PSMD14: variants seen among roughly 807,000 people sequenced by gnomAD.
PSMD14 encodes ubiquitin C-terminal hydrolase PSMD14.
A neutral mutation model predicts 41.2 loss-of-function variants in PSMD14; 7 were observed. The ratio of observed to expected loss-of-function variants is 0.17; its 90% CI spans 0.10 to 0.32. PSMD14 has a LOEUF of 0.32. Ranked by LOEUF, PSMD14 falls within the 10% of genes least tolerant of loss-of-function variation. The pLI is 1.00. For synonymous variants in PSMD14, 114 were observed against 122.3 expected (o/e 0.93, Z 0.45); for missense variants, 139 against 375.6 (o/e 0.37, Z 5.21).
intron 3 of PSMD14, among the ~76,000 whole-genome samples, chr2:161,326,767 G>T (rs888078130): frequency 3.9e-5 from 6 of 152,162 alleles, no homozygotes; most frequent in African/African-American, 1.4e-4. Context: ...GGCTGCTCAA[G>T]TCCCTTAGAT....
At chr2:161,406,129 T>C (rs1683944466) in intron 10 of PSMD14, among the ~76,000 whole-genome samples, 1 of 152,144 alleles carries the variant, frequency 6.6e-6, no homozygotes, top group Admixed American at 6.5e-5. Context: ...GATACAGATT[T>C]TCCATATAAG....
At chr2:161,403,573 C>T (rs1438392866) in intron 10 of PSMD14, among the ~76,000 whole-genome samples, 5 of 152,056 alleles carry the variant, frequency 3.3e-5, no homozygotes, top group Admixed American at 2.0e-4. Context: ...ATGTCACTAC[C>T]GTGCTTTTAA....
intron 3 of PSMD14, among the ~76,000 whole-genome samples, chr2:161,349,002 T>C (rs544910077): frequency 1.3e-5 from 2 of 152,296 alleles, no homozygotes; most frequent in Admixed American, 6.5e-5. Context: ...TTCATTGGCC[T>C]CTCACTCCCA....
chr2:161,378,366 G>A (rs537361364), intron 7 of PSMD14, among the ~76,000 whole-genome samples: 1 of 152,070 alleles, frequency 6.6e-6, no homozygotes, highest in African/African-American at 2.4e-5. Context: ...GCAGTGATAA[G>A]TAAAGACTAT....
At chr2:161,334,673 ATT>A (rs1365817676) in intron 3 of PSMD14, among the ~76,000 whole-genome samples, 6 of 152,186 alleles carry the variant, frequency 3.9e-5, no homozygotes, top group South Asian at 2.1e-4. Flanking sequence ...GAAGAATAGA[ATT>A]TTCCCTTCTT....
chr2:161,359,713 T>C (rs991230517), intron 3 of PSMD14, among the ~76,000 whole-genome samples: 2 of 152,168 alleles, frequency 1.3e-5, no homozygotes, highest in African/African-American at 4.8e-5. Flanking sequence ...TTTTCTTTAA[T>C]AGGAAATGGC....
intron 8 of PSMD14, among the ~76,000 whole-genome samples, chr2:161,387,526 T>C (rs1358083563): frequency 6.6e-6 from 1 of 151,996 alleles, no homozygotes; most frequent in Admixed American, 6.6e-5. Context: ...ACAGATTTTT[T>C]TTTACTCTTA....
intron 7 of PSMD14, chr2:161,381,455 T>C (rs568998934): frequency 1.3e-5 from 2 of 151,850 alleles, no homozygotes; most frequent in African/African-American, 4.8e-5. Context: ...GAGAAAAAAA[T>C]TACAGCTACT....
chr2:161,390,498 T>C (rs1683697568), intron 8 of PSMD14, among the ~76,000 whole-genome samples: 2 of 152,168 alleles, frequency 1.3e-5, no homozygotes, highest in Admixed American at 1.3e-4. Flanking sequence ...TAAGATTTTA[T>C]TATGATTGGC....
At chr2:161,393,136 C>T (rs1208390701) in intron 9 of PSMD14, among the ~76,000 whole-genome samples, 1 of 152,112 alleles carries the variant, frequency 6.6e-6, no homozygotes, top group Non-Finnish European at 1.5e-5. Flanking sequence ...CAGCCTTACT[C>T]GAGGGTCGCA....
At chr2:161,326,033 C>T (rs1682690551) in intron 3 of PSMD14, among the ~76,000 whole-genome samples, 1 of 151,898 alleles carries the variant, frequency 6.6e-6, no homozygotes, top group South Asian at 2.1e-4. Flanking sequence ...TGAAATCAAA[C>T]TTTATAATTT....
intron 3 of PSMD14, among the ~76,000 whole-genome samples, chr2:161,326,657 G>T (rs1682703706): frequency 6.6e-6 from 1 of 152,086 alleles, no homozygotes. Flanking sequence ...CAACTCAGAT[G>T]TCCCTCAACA....
intron 2 of PSMD14, among the ~76,000 whole-genome samples, chr2:161,316,895 C>T (rs1346429959): frequency 1.3e-5 from 2 of 152,164 alleles, no homozygotes; most frequent in Non-Finnish European, 2.9e-5. Context: ...TATATATTCA[C>T]AGCATCTGGA....
chr2:161,359,651 T>A (rs925373839), intron 3 of PSMD14, among the ~76,000 whole-genome samples: 1 of 152,208 alleles, frequency 6.6e-6, no homozygotes. Context: ...CTGTTCTCAG[T>A]GAGCATACTA....
At chr2:161,338,173 G>GT (rs113098868) in intron 3 of PSMD14, among the ~76,000 whole-genome samples, 6 of 152,276 alleles carry the variant, frequency 3.9e-5, no homozygotes, top group African/African-American at 1.4e-4. Context: ...CCCTAAGGTA[G>GT]TTTTTTCTTT....
At chr2:161,366,757 A>G (rs909191899) in intron 3 of PSMD14, among the ~76,000 whole-genome samples, 4 of 152,220 alleles carry the variant, frequency 2.6e-5, no homozygotes, top group African/African-American at 9.6e-5. Context: ...TACCTTGTGC[A>G]GGTGAATGTT....
chr2:161,314,275 A>T (rs1195233847), intron 1 of PSMD14, among the ~76,000 whole-genome samples: 1 of 152,226 alleles, frequency 6.6e-6, no homozygotes, highest in Non-Finnish European at 1.5e-5. Flanking sequence ...GGTTATTGCA[A>T]AATTTTGTGT....
At chr2:161,402,420 A>G (rs1683892602) in intron 10 of PSMD14, among the ~76,000 whole-genome samples, 2 of 152,108 alleles carry the variant, frequency 1.3e-5, no homozygotes, top group Non-Finnish European at 2.9e-5. Flanking sequence ...GGAGAGGATC[A>G]TCACTTGAGC....
intron 6 of PSMD14, among the ~76,000 whole-genome samples, chr2:161,370,833 C>T (rs992195612): frequency 4.6e-5 from 7 of 152,150 alleles, no homozygotes; most frequent in Admixed American, 3.3e-4. Flanking sequence ...GAAAATCCAA[C>T]TCCCAGAGCT....
Sources: allele counts gnomAD v4.1 joint callset (sites outside exome capture counted in the v4.1 genomes callset), GRCh38; gene constraint gnomAD v4.1.1; transcripts MANE v1.5; gene names NCBI Gene and HGNC (gene_info 2026-07-23, HGNC 2026-07-21).